SH3RF3: variants seen among roughly 807,000 people sequenced by gnomAD.
The protein encoded by SH3RF3 is E3 ubiquitin-protein ligase SH3RF3.
In SH3RF3, 29 loss-of-function variants were observed where a neutral mutation model predicts 66.3. The observed-to-expected ratio is 0.44, with a 90% CI of 0.33 to 0.60. The LOEUF is 0.60. Ranked by LOEUF, SH3RF3 falls within the 20% of genes least tolerant of loss-of-function variation. The pLI, the probability that SH3RF3 is intolerant of heterozygous loss-of-function variation, is 0.04. For synonymous variants in SH3RF3, 583 were observed against 532.0 expected, an observed-to-expected ratio of 1.10 and a Z score of -1.32; for missense variants, 1,194 against 1,190.9, an observed-to-expected ratio of 1.00 and a Z score of -0.04.
intron 1 of SH3RF3, among the ~76,000 whole-genome samples, chr2:109,183,123 G>A (rs1678107945): frequency 6.6e-6 from 1 of 152,126 alleles, no homozygotes; most frequent in South Asian, 2.1e-4. Flanking sequence ...TTAGAAGATT[G>A]TGTACAAAAC....
At chr2:109,492,780 C>T (rs1020823535) in intron 9 of SH3RF3, among the ~76,000 whole-genome samples, 3 of 152,074 alleles carry the variant, frequency 2.0e-5, no homozygotes, top group Non-Finnish European at 4.4e-5. Flanking sequence ...TCAGCAGCAC[C>T]CCCAGTCCTG....
At chr2:109,400,575 G>GCACACACACA (rs369625855) in intron 4 of SH3RF3, among the ~76,000 whole-genome samples, 1 of 146,990 alleles carries the variant, frequency 6.8e-6, no homozygotes, top group Non-Finnish European at 1.5e-5. Context: ...ACACCTGTGC[G>GCACACACACA]CACACACACA....
At chr2:109,287,653 C>A (rs1034130265) in intron 1 of SH3RF3, among the ~76,000 whole-genome samples, 1 of 152,180 alleles carries the variant, frequency 6.6e-6, no homozygotes, top group African/African-American at 2.4e-5. Context: ...ACTGTGAGAT[C>A]AGGGTGTTCC....
At chr2:109,214,817 T>C (rs1679070298) in intron 1 of SH3RF3, among the ~76,000 whole-genome samples, 1 of 152,202 alleles carries the variant, frequency 6.6e-6, no homozygotes, top group Non-Finnish European at 1.5e-5. Flanking sequence ...GCAAGATCTA[T>C]GTATATTGGA....
At chr2:109,253,696 G>A (rs938745494) in intron 1 of SH3RF3, among the ~76,000 whole-genome samples, 2 of 152,058 alleles carry the variant, frequency 1.3e-5, no homozygotes, top group African/African-American at 4.8e-5. Flanking sequence ...TTGGCTGTCT[G>A]GAAAATAGAA....
At chr2:109,143,260 A>G (rs1690317784) in intron 1 of SH3RF3, among the ~76,000 whole-genome samples, 1 of 152,218 alleles carries the variant, frequency 6.6e-6, no homozygotes, top group South Asian at 2.1e-4. Context: ...GAGTCAATTT[A>G]AAGGAACTCA....
chr2:109,208,407 A>G (rs958604102), intron 1 of SH3RF3, among the ~76,000 whole-genome samples: 3 of 152,208 alleles, frequency 2.0e-5, no homozygotes, highest in African/African-American at 7.2e-5. Flanking sequence ...TGCTTCCTGT[A>G]TCTTGGAACA....
At chr2:109,218,085 G>C (rs781416280) in intron 1 of SH3RF3, among the ~76,000 whole-genome samples, 9 of 152,032 alleles carry the variant, frequency 5.9e-5, no homozygotes, top group Non-Finnish European at 1.2e-4. Flanking sequence ...TGTGGTAAGA[G>C]TAGTCAATAG....
chr2:109,200,295 C>T (rs1409106038), intron 1 of SH3RF3, among the ~76,000 whole-genome samples: 1 of 152,160 alleles, frequency 6.6e-6, no homozygotes, highest in Non-Finnish European at 1.5e-5. Context: ...CGTCTGTTTG[C>T]TCAGAGGCCT....
chr2:109,442,953 TGTGA>T (rs1427819372), intron 7 of SH3RF3, among the ~76,000 whole-genome samples: 1 of 152,254 alleles, frequency 6.6e-6, no homozygotes, highest in Non-Finnish European at 1.5e-5. Context: ...AACGATATGC[TGTGA>T]GTAAGAAACA....
chr2:109,218,529 C>T (rs1301488151), intron 1 of SH3RF3, among the ~76,000 whole-genome samples: 1 of 152,134 alleles, frequency 6.6e-6, no homozygotes, highest in Non-Finnish European at 1.5e-5. Context: ...GTGTGTGGTA[C>T]GGATGCCTTC....
chr2:109,195,711 T>C (rs1224881697), intron 1 of SH3RF3, among the ~76,000 whole-genome samples: 1 of 152,202 alleles, frequency 6.6e-6, no homozygotes, highest in African/African-American at 2.4e-5. Flanking sequence ...TTTTTATTTT[T>C]TTTGGTACTC....
chr2:109,479,995 C>T (rs116002330), intron 8 of SH3RF3, among the ~76,000 whole-genome samples: 10 of 152,248 alleles, frequency 6.6e-5, no homozygotes, highest in African/African-American at 1.7e-4. Flanking sequence ...TGAGGCCACG[C>T]GTCATCACAG....
chr2:109,148,682 A>G (rs924928038), intron 1 of SH3RF3, among the ~76,000 whole-genome samples: 8 of 152,238 alleles, frequency 5.3e-5, no homozygotes, highest in African/African-American at 1.9e-4. Context: ...TCTAATGCTG[A>G]AAAGTGCATT....
chr2:109,330,377 G>A (rs964792732), intron 1 of SH3RF3, among the ~76,000 whole-genome samples: 1 of 151,860 alleles, frequency 6.6e-6, no homozygotes, highest in Admixed American at 6.6e-5. Flanking sequence ...TCTTGTCTTG[G>A]CATATCTCAG....
intron 1 of SH3RF3, among the ~76,000 whole-genome samples, chr2:109,328,518 G>A (rs1054181627): frequency 6.6e-6 from 1 of 152,108 alleles, no homozygotes; most frequent in Non-Finnish European, 1.5e-5. Context: ...ACACATGTTT[G>A]TTTTTCTAAG....
rs567792354 is a variant in SH3RF3, at chr2:109,394,037, G to A, written c.946-4553G>A. Among the ~76,000 whole-genome samples the A allele has an allele frequency of 2.0e-5, 3 of 152,272 alleles. No homozygotes were observed. In the South Asian group the frequency reaches 6.2e-4, roughly 32 times the overall value. Reference sequence around the variant, plus strand: ...TGGCTCCAGGAGCTGCGGGGAGAGAGTCTTCTCTATTCAACCCAGCCCCAC... The same window carrying A: ...TGGCTCCAGGAGCTGCGGGGAGAGAATCTTCTCTATTCAACCCAGCCCCAC... On this transcript the variant is annotated intron_variant, in intron 3 of 9. Transcript: ENST00000309415.
At chr2:109,429,424 G>T (rs373155848) in intron 5 of SH3RF3, among the ~76,000 whole-genome samples, 1 of 152,188 alleles carries the variant, frequency 6.6e-6, no homozygotes, top group Non-Finnish European at 1.5e-5. Context: ...AGAGATCAGA[G>T]TGAAGGATTA....
intron 4 of SH3RF3, among the ~76,000 whole-genome samples, chr2:109,403,349 G>A (rs1676366038): frequency 1.3e-5 from 2 of 152,118 alleles, no homozygotes; most frequent in African/African-American, 4.8e-5. Flanking sequence ...TCACTTCTCA[G>A]CTTCCCCGAC....
Sources: gnomAD v4.1 joint callset for allele counts (sites outside exome capture counted in the v4.1 genomes callset) on GRCh38, gnomAD v4.1.1 for gene constraint, MANE v1.5 for transcripts, NCBI Gene and HGNC (gene_info 2026-07-23, HGNC 2026-07-21) for gene names.